Variants in ZNF208 observed in about 807,000 individuals in gnomAD.
ZNF208 encodes zinc finger protein 95.
ZNF208 carries 10 observed loss-of-function variants against 12.1 expected under a neutral mutation model. The ratio of observed to expected loss-of-function variants is 0.83; its 90% CI spans 0.51 to 1.40. The LOEUF is 1.40. Ranked by LOEUF, ZNF208 falls within the 40% of genes most tolerant of loss-of-function variation. The pLI is 0.00. For missense variants in ZNF208, 1,652 were observed against 1,485.0 expected, an observed-to-expected ratio of 1.11 and a Z score of -1.85; for synonymous variants, 497 against 488.4, an observed-to-expected ratio of 1.02 and a Z score of -0.23.
chr19:21,975,100 T>C (rs1970404727), intron 3 of ZNF208, among the ~76,000 whole-genome samples: 1 of 152,222 alleles, frequency 6.6e-6, no homozygotes, highest in Admixed American at 6.5e-5. Flanking sequence ...ACTCTTTCTG[T>C]TCCTCAATAT....
At chr19:21,991,367 A>G (rs955111335) in intron 1 of ZNF208, 1 of 152,176 alleles carries the variant, frequency 6.6e-6, no homozygotes, top group Non-Finnish European at 1.5e-5. Flanking sequence ...TATATGTAAT[A>G]TTTTTCTAGA....
At chr19:21,995,538 C>T (rs1328540263) in intron 1 of ZNF208, among the ~76,000 whole-genome samples, 1 of 152,134 alleles carries the variant, frequency 6.6e-6, no homozygotes. Flanking sequence ...TAGACGGTTC[C>T]CTGTGAACCT....
At chr19:21,982,490 T>C (rs536005048) in intron 3 of ZNF208, among the ~76,000 whole-genome samples, 36 of 152,112 alleles carry the variant, frequency 2.4e-4, no homozygotes, top group Non-Finnish European at 4.1e-4. Flanking sequence ...TTGACTTTCT[T>C]CACAGAATTA....
chr19:21,974,356 C>A lies in ZNF208; in HGVS notation c.678G>T (p.Glu226Asp). ...CACATTCTTTACATCTGTAGGGTTT[C>A]TCTCCAGTATGAGCACTCTTATAAT... ...LTYYKSAHTG[E>D]KPYRCKECGK... Residue 226 changes from glutamate (E) to aspartate (D), a missense_variant, in exon 4 of 4, where the codon GAG becomes GAT. This residue lies in a region of ZNF208 where 410 missense variants were observed against 378.2 expected (regional missense o/e 1.08). Transcript: ENST00000397126. 6.2e-7 allele frequency: 1 copy of A among 1,613,782 alleles called. No individual in the cohort carries two copies. The highest frequency in any genetic ancestry group is 8.5e-7 in the Non-Finnish European group (1 of 1,179,800).
Position 21,974,666 on chromosome 19 carries a change from C to T in ZNF208, c.368G>A (p.Cys123Tyr), listed in dbSNP as rs146307303. 1 of 1,613,716 alleles carries T rather than the reference C, an allele frequency of 6.2e-7. No individual in the cohort carries two copies. The change falls in exon 4 of 4, where the codon TGT (cysteine) becomes TAT (tyrosine). Residue 123 changes from cysteine to tyrosine, a missense_variant. By Grantham distance (194) the Cys-to-Tyr change is radical (BLOSUM62 -2). Around this residue, in one of 3 missense-constraint regions of ZNF208, gnomAD observed 410 missense variants for 378.2 expected, o/e 1.08. Coordinates refer to ENST00000397126, the MANE Select transcript of ZNF208 (RefSeq NM_007153.3). ...LKIGYTNVDE[C>Y]KVHKEGYNKL... ...ATTATAACCTTCTTTGTGCACCTTACACTCATCCACATTGGTATAACCAAT... is the reference window on the plus strand; with the variant it reads ...ATTATAACCTTCTTTGTGCACCTTATACTCATCCACATTGGTATAACCAAT...
rs1165924939 is a variant in ZNF208, at chr19:21,967,067, G to C, written c.*4124C>G. The C allele has an allele frequency of 1.3e-5, 2 of 151,966 alleles. No homozygotes were observed. The highest frequency in any genetic ancestry group is 4.8e-5 in the African/African-American group (2 of 41,382). 9.4% of individuals were successfully genotyped at this position (151,966 alleles called of 1,614,324 possible). A position where few individuals can be genotyped will look rare whatever the true frequency, so the allele number is the denominator to read the frequency against. ...TCTTTTACTGTGCAGAAGCTCTTTG[G>C]CTTAGATGCCATTTTTTATTTTTAT... On this transcript the variant is annotated 3_prime_UTR_variant, in exon 4 of 4. Coordinates refer to ENST00000397126, the MANE Select transcript of ZNF208 (RefSeq NM_007153.3).
In ZNF208 at chr19:21,974,447, G is replaced by A. The variant is rs1568446066; in HGVS notation, c.587C>T (p.Thr196Ile). 2.5e-6 allele frequency: 4 copies of A among 1,613,748 alleles called. No homozygotes were observed. In the South Asian group the frequency reaches 3.3e-5, roughly 13 times the overall value. The change falls in exon 4 of 4, where the codon ACT (threonine) becomes ATT (isoleucine). Residue 196 changes from threonine (T) to isoleucine (I), a missense_variant. Physicochemically the swap from Thr to Ile is moderately conservative, Grantham distance 89. Around this residue, in one of 3 missense-constraint regions of ZNF208, gnomAD observed 410 missense variants for 378.2 expected, o/e 1.08. Coordinates refer to ENST00000397126, the MANE Select transcript of ZNF208 (RefSeq NM_007153.3). ...SHLSQHKRIYTRENSYKCEEG... is the reference protein window; with the variant it reads ...SHLSQHKRIYIRENSYKCEEG... ...TTCACATTTGTAGGAATTCTCTCTA[G>A]TATAAATTCTTTTATGTTGAGATAG...
chr19:21,986,278 C>G (rs1970627039), intron 3 of ZNF208, among the ~76,000 whole-genome samples: 1 of 152,118 alleles, frequency 6.6e-6, no homozygotes, highest in African/African-American at 2.4e-5. Flanking sequence ...AAACCATAAA[C>G]AGTACATTAA....
At chr19:21,957,074 CTCTG>C (rs3029023) in intron 4 of ZNF208, among the ~76,000 whole-genome samples, 24,469 of 152,156 alleles carry the variant, frequency 0.16, 2,117 homozygotes, top group Middle Eastern at 0.2. Context: ...CATAGTCTCA[CTCTG>C]TCTGTGGCCA....
chr19:22,007,554 A>G (rs1377225245), intron 1 of ZNF208, among the ~76,000 whole-genome samples: 1 of 150,770 alleles, frequency 6.6e-6, no homozygotes, highest in Non-Finnish European at 1.5e-5. Context: ...AAACTCCTAA[A>G]TTCACTCTGA....
At position 21,946,510 on chromosome 19, in the gene ZNF208, T is replaced by C. The variant is rs1969817898; in HGVS notation, c.306-13273A>G. ...TTTCTTTTTGCATATTAAACTTTTG[T>C]TCCAAACCTCACCCTTGTGTCCACA... On this transcript the variant is annotated intron_variant, in intron 4 of 4. Transcript: ENST00000599916. 1.3e-5 allele frequency among the ~76,000 whole-genome samples: 2 copies of C among 152,342 alleles called. 1 individual carries two copies. Among genetic ancestry groups the C allele is most frequent in the South Asian group, 4.1e-4 (2 of 4,830 alleles).
chr19:21,963,614 A>C (rs1290030742), downstream of ZNF208, among the ~76,000 whole-genome samples: 6 of 152,116 alleles, frequency 3.9e-5, no homozygotes, highest in East Asian at 1.2e-3. Flanking sequence ...AATTTAATTG[A>C]ACTGTCATTT....
At chr19:21,952,965 A>G (rs1466117952) in intron 4 of ZNF208, among the ~76,000 whole-genome samples, 3 of 152,232 alleles carry the variant, frequency 2.0e-5, no homozygotes, top group Non-Finnish European at 2.9e-5. Context: ...AGTGAAGAGA[A>G]GACCTTAAAT....
At chr19:21,957,409 G>A (rs77123554) in intron 4 of ZNF208, among the ~76,000 whole-genome samples, 3,094 of 152,292 alleles carry the variant, frequency 0.02, 33 homozygotes, top group Non-Finnish European at 0.028. Flanking sequence ...CTCTAATTGG[G>A]AGGGTTTGTT....
rs145160557 is a variant in ZNF208 at position 22,002,308 on chromosome 19, A to T, written c.3+8484T>A. ...CAAGACAAGGATGCCTTCTCTCAAC[A>T]CTCCTATATTCAATATAAAATTGGT... On this transcript the variant is annotated intron_variant, in intron 1 of 3. Transcript: ENST00000397126. Among the ~76,000 whole-genome samples, 479 of 152,214 alleles carry T rather than the reference A, an allele frequency of 3.1e-3. 19 individuals carry two copies. In the East Asian group the frequency reaches 0.072, roughly 23 times the overall value.
At chr19:21,950,697 G>C (rs1437918533) in intron 4 of ZNF208, among the ~76,000 whole-genome samples, 1 of 151,940 alleles carries the variant, frequency 6.6e-6, no homozygotes, top group African/African-American at 2.4e-5. Flanking sequence ...GTTTCACCAT[G>C]TTGGCCAGGC....
downstream of ZNF208, chr19:21,965,785 C>T (rs770216291): frequency 2.0e-5 from 3 of 149,804 alleles, no homozygotes; most frequent in Admixed American, 6.6e-5. Flanking sequence ...CACCCATTCA[C>T]AAATAGTTCA....
rs377398044 is a variant in ZNF208 at position 22,010,827 on chromosome 19, T to C, written c.-33A>G. 1.7e-5 allele frequency: 27 copies of C among 1,613,816 alleles called. No individual in the cohort carries two copies. In the African/African-American group the frequency reaches 1.7e-4, roughly 10 times the overall value. On this transcript the variant is annotated 5_prime_UTR_variant, in exon 1 of 4. Coordinates refer to ENST00000397126, the MANE Select transcript of ZNF208 (RefSeq NM_007153.3). The stretch of plus-strand genomic sequence containing the variant: ...CTTCCAGGGGGTCCTGGCGACTTAG[T>C]TGTGGATCTCCCAATACCTGCAGGT...
rs1970368188 is a variant in ZNF208, at chr19:21,973,930, G to C, written c.1104C>G (p.Pro368=). The change falls in exon 4 of 4, where the codon CCC becomes CCG. Residue 368 remains proline, a synonymous_variant. Coordinates refer to ENST00000397126, the MANE Select transcript of ZNF208 (RefSeq NM_007153.3). ...KHKVIHTGEK[P]YKCEECGKAY... ...CTTTGCCGCATTCTTCACATTTGTA[G>C]GGTTTCTCTCCAGTATGAATTACCT... 1.9e-6 allele frequency: 3 copies of C among 1,613,406 alleles called. No individual in the cohort carries two copies. Among genetic ancestry groups the C allele is most frequent in the South Asian group, 1.1e-5 (1 of 91,078 alleles).
Sources: gnomAD v4.1 joint callset for allele counts (sites outside exome capture counted in the v4.1 genomes callset) on GRCh38, gnomAD v4.1.1 for gene constraint, gnomAD v4.1.1 regional missense constraint, MANE v1.5 for transcripts, NCBI Gene and HGNC (gene_info 2026-07-23, HGNC 2026-07-21) for gene names.